Variants in MMP26 observed in about 807,000 individuals in gnomAD.
The protein encoded by MMP26 is matrix metallopeptidase 26.
A neutral mutation model predicts 31.0 loss-of-function variants in MMP26; 33 were observed. The ratio of observed to expected loss-of-function variants is 1.06; its 90% confidence interval spans 0.81 to 1.42. The LOEUF (loss-of-function observed/expected upper bound fraction) is 1.42. MMP26 is among the 40% of genes most tolerant of loss of function. The pLI, the probability that MMP26 is intolerant of heterozygous loss-of-function variation, is 0.00. For missense variants in MMP26, 347 were observed against 316.1 expected (o/e 1.10, Z -0.74); for synonymous variants, 122 against 114.9 (o/e 1.06, Z -0.40).
intron 2 of MMP26, among the ~76,000 whole-genome samples, chr11:4,960,062 C>A (rs1201381643): frequency 8.5e-6 from 1 of 117,626 alleles, no homozygotes; most frequent in Non-Finnish European, 1.6e-5. Flanking sequence ...GAATGCCTTG[C>A]TGAGACTTCT....
chr11:4,722,698 G>T (rs566200829), intron 1 of MMP26: 5 of 742,958 alleles, frequency 6.7e-6, no homozygotes, highest in South Asian at 4.6e-5. Flanking sequence ...TCCCGCAGCC[G>T]CAGGAGGGGC....
intron 2 of MMP26, among the ~76,000 whole-genome samples, chr11:4,805,871 G>C (rs1849260972): frequency 1.3e-5 from 2 of 152,000 alleles, no homozygotes; most frequent in Non-Finnish European, 2.9e-5. Flanking sequence ...CAGAATCGAT[G>C]GCACAAAGCT....
intron 2 of MMP26, among the ~76,000 whole-genome samples, chr11:4,818,221 A>T (rs553694011): frequency 1.3e-5 from 2 of 152,284 alleles, no homozygotes; most frequent in South Asian, 2.1e-4. Flanking sequence ...CATTGGTAGA[A>T]CTCAAAAATC....
At chr11:4,914,919 G>A in intron 2 of MMP26, 3 of 1,614,124 alleles carry the variant, frequency 1.9e-6, no homozygotes, top group Non-Finnish European at 1.7e-6. Flanking sequence ...GCACAGATGT[G>A]GGAAACACAG....
chr11:4,772,567 A>G (rs1196593161), intron 2 of MMP26, among the ~76,000 whole-genome samples: 1 of 152,184 alleles, frequency 6.6e-6, no homozygotes, highest in African/African-American at 2.4e-5. Flanking sequence ...TTTTGCTAGT[A>G]GCTAGGGTTA....
rs1049225739 is a variant in MMP26 at position 4,747,595 on chromosome 11, A to G, written c.-216-19675A>G. 9.2e-5 allele frequency among the ~76,000 whole-genome samples: 14 copies of G among 152,096 alleles called. 1 individual carries two copies. The South Asian group carries it at 1.0e-3, about 11-fold the overall frequency. Reference sequence around the variant, plus strand: ...AATGAGAACTTTTTTTTGTATATTAATATTTCATTAAAAACCTTTTAAAGA... The same window carrying G: ...AATGAGAACTTTTTTTTGTATATTAGTATTTCATTAAAAACCTTTTAAAGA... On this transcript the variant is annotated intron_variant, in intron 1 of 7. Coordinates refer to ENST00000380390, the MANE Select transcript of MMP26 (RefSeq NM_021801.5).
chr11:4,930,043 T>C (rs1406486848), intron 2 of MMP26, among the ~76,000 whole-genome samples: 1 of 152,138 alleles, frequency 6.6e-6, no homozygotes, highest in Non-Finnish European at 1.5e-5. Context: ...TATGACTATA[T>C]ACAGATAATT....
At chr11:4,748,982 T>G (rs1314150488) in intron 1 of MMP26, among the ~76,000 whole-genome samples, 1 of 151,816 alleles carries the variant, frequency 6.6e-6, no homozygotes, top group African/African-American at 2.4e-5. Context: ...GCATCAAAAT[T>G]GGAAAAGAGG....
intron 4 of MMP26, among the ~76,000 whole-genome samples, 153 bp from the exon 5 acceptor site, chr11:4,990,445 T>A (rs909669002): frequency 2.0e-5 from 3 of 152,210 alleles, no homozygotes; most frequent in Non-Finnish European, 4.4e-5. Context: ...AAGTTTCTGA[T>A]TTAATTAGTC....
At position 4,881,092 on chromosome 11, in the gene MMP26, A is replaced by G. The variant is rs148007579; in HGVS notation, c.-144-106976A>G. 5.1e-3 allele frequency among the ~76,000 whole-genome samples: 784 copies of G among 152,286 alleles called. 9 individuals carry two copies. Among genetic ancestry groups the G allele is most frequent in the African/African-American group, 0.016 (674 of 41,556 alleles). ...CACTAATATATTGCTCTGGTTAGCC[A>G]GCAATGTTGAGAAAACCTTGATAAA... On this transcript the variant is annotated intron_variant, in intron 2 of 7. Coordinates refer to ENST00000380390, the MANE Select transcript of MMP26 (RefSeq NM_021801.5).
chr11:4,781,261 A>T lies in MMP26; in HGVS notation c.-145+13920A>T, dbSNP rs1028005796. 2.2e-4 allele frequency among the ~76,000 whole-genome samples: 34 copies of T among 152,214 alleles called. 1 individual carries two copies. The highest frequency in any genetic ancestry group is 4.0e-4 in the Non-Finnish European group (27 of 68,038). ...TACACAAAAAAGGGTTAATTATTGT[A>T]TGTATAATTTTATCTCAGCAAACCT... On this transcript the variant is annotated intron_variant, in intron 2 of 7. Transcript: ENST00000380390.
intron 1 of MMP26, among the ~76,000 whole-genome samples, chr11:4,732,598 C>CA (rs1253146670): frequency 1.3e-5 from 2 of 151,324 alleles, no homozygotes; most frequent in Non-Finnish European, 2.9e-5. Context: ...GCACCCTATC[C>CA]AGAAGCAGTC....
chr11:4,861,711 T>C (rs1253249165), intron 2 of MMP26, among the ~76,000 whole-genome samples: 7 of 152,090 alleles, frequency 4.6e-5, no homozygotes, highest in Non-Finnish European at 8.8e-5. Context: ...TAAAGTATAA[T>C]ATAATACTTA....
At chr11:4,764,699 C>T (rs1382538004) in intron 1 of MMP26, among the ~76,000 whole-genome samples, 4 of 152,154 alleles carry the variant, frequency 2.6e-5, no homozygotes, top group Non-Finnish European at 4.4e-5. Flanking sequence ...CGGTGAAACC[C>T]CGTCTCTACT....
chr11:4,944,136 G>C, intron 2 of MMP26: 1 of 455,578 alleles, frequency 2.2e-6, no homozygotes, highest in Non-Finnish European at 4.4e-6. Flanking sequence ...GATAGATACA[G>C]TTATGCACCT....
intron 2 of MMP26, among the ~76,000 whole-genome samples, chr11:4,775,597 A>T (rs1281567620): frequency 2.0e-5 from 3 of 152,134 alleles, no homozygotes; most frequent in Non-Finnish European, 2.9e-5. Context: ...ACAGAGGTTT[A>T]TTTGGCTCAT....
At chr11:4,878,608 C>T (rs1850416970) in intron 2 of MMP26, among the ~76,000 whole-genome samples, 1 of 152,132 alleles carries the variant, frequency 6.6e-6, no homozygotes. Context: ...CCCACTTCAT[C>T]ATACCTCAAG....
intron 1 of MMP26, among the ~76,000 whole-genome samples, chr11:4,728,054 A>C (rs1208586073): frequency 6.6e-6 from 1 of 152,212 alleles, no homozygotes; most frequent in Non-Finnish European, 1.5e-5. Flanking sequence ...ATGTATTAGG[A>C]GGTCTAAATT....
chr11:4,822,019 C>T, intron 2 of MMP26: 1 of 1,613,978 alleles, frequency 6.2e-7, no homozygotes, highest in Non-Finnish European at 8.5e-7. Flanking sequence ...CAACAGCATC[C>T]TTGGTCTGTT....
Sources: allele counts gnomAD v4.1 joint callset (sites outside exome capture counted in the v4.1 genomes callset), GRCh38; gene constraint gnomAD v4.1.1; transcripts MANE v1.5; gene names NCBI Gene and HGNC (gene_info 2026-07-23, HGNC 2026-07-21).